Variants in DPYSL2 observed in about 807,000 individuals in gnomAD.
DPYSL2 encodes dihydropyrimidinase like 2, also known as dihydropyrimidinase-related protein 2.
A neutral mutation model predicts 69.9 loss-of-function variants in DPYSL2; 13 were observed. The observed-to-expected ratio is 0.19, with a 90% CI of 0.12 to 0.30. DPYSL2 has a LOEUF of 0.30. Ranked by LOEUF, DPYSL2 falls within the 10% of genes least tolerant of loss-of-function variation. DPYSL2 has a pLI of 1.00. For missense variants in DPYSL2, 587 were observed against 918.9 expected (o/e 0.64, Z 4.67); for synonymous variants, 326 against 359.1 (o/e 0.91, Z 1.04).
intron 1 of DPYSL2, among the ~76,000 whole-genome samples, chr8:26,556,116 A>AGT (rs1563384771): frequency 6.0e-5 from 1 of 16,662 alleles, no homozygotes; most frequent in Non-Finnish European, 1.3e-4. Context: ...GTATATATAT[A>AGT]CTATATATAT....
Position 26,640,370 on chromosome 8 carries a change from C to T in DPYSL2, c.1127-3069C>T, listed in dbSNP as rs775330662. Reference sequence around the variant, plus strand: ...GGAGAAGAAAATCACAAAGGTCTAACGGGCACCCAGATAGCATCAGCAGTG... The same window carrying T: ...GGAGAAGAAAATCACAAAGGTCTAATGGGCACCCAGATAGCATCAGCAGTG... On this transcript the variant is annotated intron_variant, in intron 8 of 13. Coordinates refer to ENST00000521913, the MANE Select transcript of DPYSL2 (RefSeq NM_001197293.3). This position sits in a 1 kb window ranked among gnomAD's most constrained non-coding sequence, Gnocchi z 4.2. 2.6e-5 allele frequency among the ~76,000 whole-genome samples: 4 copies of T among 152,190 alleles called. No homozygotes were observed. In the East Asian group the frequency reaches 5.8e-4, roughly 22 times the overall value.
chr8:26,567,470 C>T (rs1801171033), intron 1 of DPYSL2, among the ~76,000 whole-genome samples: 1 of 152,232 alleles, frequency 6.6e-6, no homozygotes, highest in African/African-American at 2.4e-5. Flanking sequence ...ACAGGCAAGG[C>T]CTTACGGTGG....
At chr8:26,613,918 G>A (rs1398687577) in intron 3 of DPYSL2, among the ~76,000 whole-genome samples, 1 of 152,102 alleles carries the variant, frequency 6.6e-6, no homozygotes, top group Non-Finnish European at 1.5e-5. Context: ...GATCATTTGA[G>A]CCCAGGAGTT....
rs1488670694 is a variant in DPYSL2 at position 26,619,412 on chromosome 8, T to A, written c.629-4731T>A. 1.3e-5 allele frequency: 2 copies of A among 152,166 alleles called. No homozygotes were observed. The highest frequency in any genetic ancestry group is 6.5e-5 in the Admixed American group (1 of 15,280). The allele number at this position is 152,166 out of a possible 1,614,324, so 9.4% of individuals were successfully genotyped here. On this transcript the variant is annotated intron_variant, in intron 3 of 13. Transcript: ENST00000521913. This position sits in a 1 kb window ranked among gnomAD's most constrained non-coding sequence, Gnocchi z 4.8. ...GTCCGGGTCCTGAGTTTTTCAAGGG[T>A]TTATAACCCCCGGAGCTGAATTTGG...
In DPYSL2 at chr8:26,640,507, G is replaced by A. The variant is rs1027225517; in HGVS notation, c.1127-2932G>A. ...GGTGTCTGTGGCCTGGCTGAGCTCC[G>A]GAAGTGCATCCACAGCACCCTCCTG... On this transcript the variant is annotated intron_variant, in intron 8 of 13. Coordinates refer to ENST00000521913, the MANE Select transcript of DPYSL2 (RefSeq NM_001197293.3). This position sits in a 1 kb window ranked among gnomAD's most constrained non-coding sequence, Gnocchi z 4.2. Among the ~76,000 whole-genome samples the A allele has an allele frequency of 6.2e-4, 94 of 152,156 alleles. No individual in the cohort carries two copies. Among genetic ancestry groups the A allele is most frequent in the Non-Finnish European group, 1.1e-3 (72 of 68,034 alleles).
At chr8:26,607,110 G>T (rs1802123431) in intron 3 of DPYSL2, among the ~76,000 whole-genome samples, 1 of 152,210 alleles carries the variant, frequency 6.6e-6, no homozygotes, top group African/African-American at 2.4e-5. Flanking sequence ...AGGAAAACAG[G>T]AAATGAGCTG....
intron 3 of DPYSL2, among the ~76,000 whole-genome samples, chr8:26,603,950 G>T (rs758343658): frequency 2.6e-5 from 4 of 152,172 alleles, no homozygotes; most frequent in Admixed American, 6.5e-5. Flanking sequence ...GAACATGAGT[G>T]TGCAAATATC....
In DPYSL2 at chr8:26,580,101, T is replaced by C. The variant is rs542521086; in HGVS notation, c.355-1868T>C. On this transcript the variant is annotated intron_variant, in intron 1 of 13. Coordinates refer to ENST00000521913, the MANE Select transcript of DPYSL2 (RefSeq NM_001197293.3). The surrounding 1 kb of genome is among the most constrained non-coding windows in gnomAD (Gnocchi z 4.1). ...TGAACGGGGGTGTGGTGTTTCACTT[T>C]TTTTCATGGCATCATGTTGGCTCGG... is the stretch of plus-strand genomic sequence containing the variant. 3.3e-5 allele frequency among the ~76,000 whole-genome samples: 5 copies of C among 152,170 alleles called. No homozygotes were observed. The East Asian group carries it at 7.7e-4, about 24-fold the overall frequency.
At position 26,582,018 on chromosome 8, in the gene DPYSL2, C is replaced by T. The variant is rs1212338896; in HGVS notation, c.404C>T (p.Ser135Leu). 2.5e-6 allele frequency: 4 copies of T among 1,613,916 alleles called. No individual in the cohort carries two copies. Among genetic ancestry groups the T allele is most frequent in the Non-Finnish European group, 2.5e-6 (3 of 1,179,976 alleles). The stretch of plus-strand genomic sequence containing the variant: ...GGTAAAATTGTTAATGATGACCAGT[C>T]GTTCTATGCAGACATATACATGGAA... ...KGGKIVNDDQ[S>L]FYADIYMEDG... Residue 135 changes from serine (S) to leucine (L), a missense_variant, in exon 2 of 14, where the codon TCG becomes TTG. Physicochemically the swap from Ser to Leu is moderately radical, Grantham distance 145 (BLOSUM62 -2). Coordinates refer to ENST00000521913, the MANE Select transcript of DPYSL2 (RefSeq NM_001197293.3). The surrounding 1 kb of genome is among the most constrained non-coding windows in gnomAD (Gnocchi z 4.1).
chr8:26,563,673 C>T (rs1801107755), intron 1 of DPYSL2, among the ~76,000 whole-genome samples: 1 of 152,206 alleles, frequency 6.6e-6, no homozygotes, highest in African/African-American at 2.4e-5. Flanking sequence ...CTGCTTATTT[C>T]CTTGATGGCA....
rs1011213787 is a variant in DPYSL2 at position 26,587,111 on chromosome 8, G to A, written c.628+3128G>A. On this transcript the variant is annotated intron_variant, in intron 3 of 13. Transcript: ENST00000521913. The surrounding 1 kb of genome is among the most constrained non-coding windows in gnomAD (Gnocchi z 4.2). ...TCCTTTTTCTGTTTGCTGACCAGAC[G>A]TTCTGCATTGCTTTAAGTGAGTGAG... Among the ~76,000 whole-genome samples, 19 of 152,272 alleles carry A rather than the reference G, an allele frequency of 1.2e-4. No homozygotes were observed. Among genetic ancestry groups the A allele is most frequent in the African/African-American group, 3.6e-4 (15 of 41,542 alleles).
At chr8:26,534,818 G>A (rs556511257) in intron 1 of DPYSL2, among the ~76,000 whole-genome samples, 2 of 151,732 alleles carry the variant, frequency 1.3e-5, no homozygotes, top group Non-Finnish European at 2.9e-5. Flanking sequence ...ATTATGTTTT[G>A]TTGAGATGGG....
At chr8:26,618,635 T>C (rs1208918181) in intron 3 of DPYSL2, among the ~76,000 whole-genome samples, 2 of 151,674 alleles carry the variant, frequency 1.3e-5, no homozygotes, top group Non-Finnish European at 2.9e-5. Flanking sequence ...TATCTTTTTA[T>C]AGATGAGTAA....
At chr8:26,629,991 ACACG>A (rs1277914512) in intron 7 of DPYSL2, among the ~76,000 whole-genome samples, 2 of 111,822 alleles carry the variant, frequency 1.8e-5, no homozygotes, top group East Asian at 3.7e-4. Flanking sequence ...ATACATACAC[ACACG>A]TCCATAGGCA....
At chr8:26,528,480 C>G (rs1314464284) in intron 1 of DPYSL2, among the ~76,000 whole-genome samples, 1 of 151,964 alleles carries the variant, frequency 6.6e-6, no homozygotes, top group Non-Finnish European at 1.5e-5. Context: ...AACCCCATCT[C>G]TACTAAAATC....
chr8:26,630,236 C>T (rs759897324), intron 7 of DPYSL2, among the ~76,000 whole-genome samples: 22 of 152,246 alleles, frequency 1.4e-4, no homozygotes, highest in Non-Finnish European at 2.6e-4. Flanking sequence ...GGGTTCGTTT[C>T]TGTGGTTTCA....
chr8:26,519,116 G>A (rs1808343689), intron 1 of DPYSL2, among the ~76,000 whole-genome samples: 1 of 152,168 alleles, frequency 6.6e-6, no homozygotes, highest in African/African-American at 2.4e-5. Context: ...ACAAACTCAT[G>A]GCTCTATACC....
At position 26,582,414 on chromosome 8, in the gene DPYSL2, C is replaced by T. The variant is rs1438382511; in HGVS notation, c.443+357C>T. ...TGTTTGGGTTGGATTGCCCAAAGGA[C>T]GCAAACGTGAAAGACAGTCTCCTCT... On this transcript the variant is annotated intron_variant, in intron 2 of 13. Coordinates refer to ENST00000521913, the MANE Select transcript of DPYSL2 (RefSeq NM_001197293.3). This position sits in a 1 kb window ranked among gnomAD's most constrained non-coding sequence, Gnocchi z 4.1. Among the ~76,000 whole-genome samples, 6 of 152,158 alleles carry T rather than the reference C, an allele frequency of 3.9e-5. No individual in the cohort carries two copies. The highest frequency in any genetic ancestry group is 1.9e-4 in the East Asian group (1 of 5,204).
At chr8:26,633,183 G>A (rs1347738626) in intron 7 of DPYSL2, among the ~76,000 whole-genome samples, 1 of 152,204 alleles carries the variant, frequency 6.6e-6, no homozygotes, top group Non-Finnish European at 1.5e-5. Context: ...CACCTGCTGT[G>A]TATCAGACAG....
Sources: gnomAD v4.1 joint callset for allele counts (sites outside exome capture counted in the v4.1 genomes callset) on GRCh38, gnomAD v4.1.1 for gene constraint, Gnocchi (gnomAD v3.1) non-coding constraint, MANE v1.5 for transcripts, NCBI Gene and HGNC (gene_info 2026-07-23, HGNC 2026-07-21) for gene names.